EXOC6B: variants seen among roughly 807,000 people sequenced by gnomAD.
The protein encoded by EXOC6B is SEC15 homolog B.
EXOC6B carries 54 observed loss-of-function variants against 113.5 expected under a neutral mutation model. The observed-to-expected ratio is 0.48, with a 90% CI of 0.38 to 0.60. The LOEUF (loss-of-function observed/expected upper bound fraction) is 0.60. Among genes scored for constraint, EXOC6B ranks in the 20% least tolerant of loss-of-function variants. The probability of loss-of-function intolerance (pLI) is 0.00; values close to 1 mark genes in which losing one functional copy is unlikely to be tolerated. For synonymous variants in EXOC6B, 357 were observed against 339.0 expected (o/e 1.05, Z -0.58); for missense variants, 797 against 977.5 (o/e 0.82, Z 2.46).
rs1331418894 is a variant in EXOC6B, at chr2:72,513,734, A to G, written c.1047-482T>C. Among the ~76,000 whole-genome samples, 3 of 152,002 alleles carry G rather than the reference A, an allele frequency of 2.0e-5. No homozygotes were observed. In the East Asian group the frequency reaches 5.8e-4, roughly 29 times the overall value. On this transcript the variant is annotated intron_variant, in intron 10 of 21. Coordinates refer to ENST00000272427, the MANE Select transcript of EXOC6B (RefSeq NM_015189.3). ...TAATTCCCATCATGTGGACTCTATCATCAAAGTCTTGAAAAGGCATCATAC... is the reference window on the plus strand; with the variant it reads ...TAATTCCCATCATGTGGACTCTATCGTCAAAGTCTTGAAAAGGCATCATAC...
intron 5 of EXOC6B, among the ~76,000 whole-genome samples, chr2:72,729,401 G>A (rs1246795836): frequency 6.7e-6 from 1 of 148,382 alleles, no homozygotes; most frequent in Non-Finnish European, 1.5e-5. Context: ...TGAGAAGTTG[G>A]TACACAGGTG....
intron 18 of EXOC6B, among the ~76,000 whole-genome samples, chr2:72,386,906 T>C (rs1293010512): frequency 6.6e-6 from 1 of 152,228 alleles, no homozygotes; most frequent in Non-Finnish European, 1.5e-5. Context: ...GTCCGTTTTG[T>C]GCCTAGGTTC....
At chr2:72,580,110 T>C (rs1249795632) in intron 6 of EXOC6B, among the ~76,000 whole-genome samples, 2 of 150,316 alleles carry the variant, frequency 1.3e-5, no homozygotes, top group Non-Finnish European at 3.0e-5. Flanking sequence ...GCTTTACCTA[T>C]CTTGCCTCTG....
At chr2:72,804,305 C>T (rs1358843954) in intron 1 of EXOC6B, among the ~76,000 whole-genome samples, 1 of 152,116 alleles carries the variant, frequency 6.6e-6, no homozygotes, top group Non-Finnish European at 1.5e-5. Context: ...CCTATTTTGT[C>T]TATTATGCCT....
intron 20 of EXOC6B, among the ~76,000 whole-genome samples, chr2:72,209,091 C>T (rs905920139): frequency 1.2e-4 from 18 of 151,914 alleles, no homozygotes; most frequent in African/African-American, 3.9e-4. Flanking sequence ...GGTGTGTTGG[C>T]GCATGCCTGT....
chr2:72,613,249 T>C (rs1180205176), intron 6 of EXOC6B, among the ~76,000 whole-genome samples: 3 of 152,048 alleles, frequency 2.0e-5, no homozygotes, highest in African/African-American at 7.2e-5. Flanking sequence ...GTCATAATCA[T>C]CCTTTAAATG....
chr2:72,424,907 G>C (rs1011007048), intron 18 of EXOC6B, among the ~76,000 whole-genome samples: 7 of 151,946 alleles, frequency 4.6e-5, no homozygotes, highest in African/African-American at 9.7e-5. Context: ...GTGTCATGGG[G>C]GTTTCTTGTA....
At chr2:72,604,077 A>T (rs542521674) in intron 6 of EXOC6B, among the ~76,000 whole-genome samples, 14 of 152,276 alleles carry the variant, frequency 9.2e-5, no homozygotes, top group Admixed American at 2.6e-4. Context: ...ATCATCTTAG[A>T]TTTATTAGTC....
At chr2:72,257,649 G>C (rs1683433783) in intron 20 of EXOC6B, among the ~76,000 whole-genome samples, 1 of 152,208 alleles carries the variant, frequency 6.6e-6, no homozygotes, top group Non-Finnish European at 1.5e-5. Flanking sequence ...ATGGAGACAG[G>C]ATTTGTGAAT....
At chr2:72,736,945 C>T (rs963121288) in intron 2 of EXOC6B, among the ~76,000 whole-genome samples, 2 of 152,128 alleles carry the variant, frequency 1.3e-5, no homozygotes, top group Non-Finnish European at 2.9e-5. Flanking sequence ...TCTGTTTTCA[C>T]GCATTTCAGA....
At chr2:72,766,935 G>A (rs898328548) in intron 1 of EXOC6B, among the ~76,000 whole-genome samples, 1 of 136,190 alleles carries the variant, frequency 7.3e-6, no homozygotes, top group African/African-American at 2.8e-5. Context: ...TTGGGTGACA[G>A]AGTGAGACCC....
At chr2:72,441,533 AAC>A (rs1696200679) in intron 18 of EXOC6B, among the ~76,000 whole-genome samples, 4 of 152,134 alleles carry the variant, frequency 2.6e-5, no homozygotes, top group Admixed American at 2.6e-4. Flanking sequence ...GATTCAAATA[AAC>A]ACAATCAGAA....
chr2:72,360,728 T>C (rs986198866), intron 19 of EXOC6B, among the ~76,000 whole-genome samples: 28 of 152,102 alleles, frequency 1.8e-4, no homozygotes, highest in African/African-American at 6.8e-4. Context: ...AGCTGGATAG[T>C]TGAGAAAGCT....
At chr2:72,748,280 AC>A (rs1363040133) in intron 1 of EXOC6B, among the ~76,000 whole-genome samples, 1 of 151,996 alleles carries the variant, frequency 6.6e-6, no homozygotes, top group Non-Finnish European at 1.5e-5. Context: ...TATTCCTCAA[AC>A]ATTTTCTTCT....
At chr2:72,383,487 A>C (rs1017527103) in intron 18 of EXOC6B, among the ~76,000 whole-genome samples, 1 of 151,952 alleles carries the variant, frequency 6.6e-6, no homozygotes, top group Non-Finnish European at 1.5e-5. Context: ...ATTAAAAAAA[A>C]AATTAAAAAA....
At chr2:72,721,993 G>T (rs1167491225) in intron 5 of EXOC6B, 1 of 104,622 alleles carries the variant, frequency 9.6e-6, no homozygotes, top group Non-Finnish European at 2.0e-5. Context: ...TCCAGGAATG[G>T]TGCTCTAATT....
At position 72,794,585 on chromosome 2, in the gene EXOC6B, T is replaced by A. The variant is rs1684845601; in HGVS notation, c.113+31213A>T. ...TGGAGAAGGTGCTGATAGATTATGA[T>A]CAAACCAGAAGCAGATAAATAAATT... On this transcript the variant is annotated intron_variant, in intron 1 of 21. Coordinates refer to ENST00000272427, the MANE Select transcript of EXOC6B (RefSeq NM_015189.3). Among the ~76,000 whole-genome samples the A allele has an allele frequency of 2.0e-5, 3 of 152,278 alleles. No homozygotes were observed. In the South Asian group the frequency reaches 6.2e-4, roughly 32 times the overall value.
intron 18 of EXOC6B, among the ~76,000 whole-genome samples, chr2:72,383,137 A>G (rs1342747087): frequency 1.3e-5 from 2 of 152,208 alleles, no homozygotes; most frequent in African/African-American, 4.8e-5. Context: ...GCAAAAACTG[A>G]CAAATGGGAT....
intron 1 of EXOC6B, among the ~76,000 whole-genome samples, chr2:72,807,697 C>T (rs528571056): frequency 6.6e-6 from 1 of 152,070 alleles, no homozygotes; most frequent in African/African-American, 2.4e-5. Context: ...TTTGCAATAA[C>T]ATGGTTACAA....
Sources: gnomAD v4.1 joint callset for allele counts (sites outside exome capture counted in the v4.1 genomes callset) on GRCh38, gnomAD v4.1.1 for gene constraint, MANE v1.5 for transcripts, NCBI Gene and HGNC (gene_info 2026-07-23, HGNC 2026-07-21) for gene names.